DST: variants seen among roughly 807,000 people sequenced by gnomAD.
DST encodes the protein bullous pemphigoid antigen.
Under a neutral mutation model 875.2 loss-of-function variants are expected in DST, and 253 were observed. That is an observed-to-expected ratio of 0.29 (90% confidence interval 0.26 to 0.32). The LOEUF (loss-of-function observed/expected upper bound fraction) is 0.32, where lower values mean the gene tolerates loss of function less well. Ranked by LOEUF, DST falls within the 10% of genes least tolerant of loss-of-function variation. The pLI is 1.00. For synonymous variants in DST, 3,124 were observed against 3,197.1 expected (o/e 0.98, Z 0.77); for missense variants, 8,287 against 9,111.6 (o/e 0.91, Z 3.68).
At chr6:56,728,365 C>G (rs1184403971) in intron 5 of DST, among the ~76,000 whole-genome samples, 1 of 152,158 alleles carries the variant, frequency 6.6e-6, no homozygotes, top group East Asian at 1.9e-4. Context: ...TCAAAAATGT[C>G]AATTTCATAC....
chr6:56,914,837 G>A (rs1447205400), intron 2 of DST, among the ~76,000 whole-genome samples: 1 of 152,166 alleles, frequency 6.6e-6, no homozygotes, highest in African/African-American at 2.4e-5. Flanking sequence ...ATCAAAAACA[G>A]GTAACAGTAA....
intron 71 of DST, 33 bp downstream of exon 71, chr6:56,517,165 A>C: frequency 2.0e-6 from 3 of 1,484,078 alleles, no homozygotes; most frequent in Non-Finnish European, 2.8e-6. Context: ...TTTTTTCAAG[A>C]GTCCCACTAC....
At chr6:56,656,265 A>G (rs937140310) in intron 10 of DST, among the ~76,000 whole-genome samples, 1 of 152,262 alleles carries the variant, frequency 6.6e-6, no homozygotes, top group African/African-American at 2.4e-5. Flanking sequence ...CCTAAAAAAC[A>G]ATTTGGAAAG....
chr6:56,843,695 AGAGG>A, intron 4 of DST: 1 of 903,566 alleles, frequency 1.1e-6, no homozygotes, highest in Non-Finnish European at 1.3e-6. Context: ...CGCCGGGGAG[AGAGG>A]GAGGGAGGAG....
Position 56,572,944 on chromosome 6 carries a change from CT to C in DST, c.13356del (p.Asp4453ThrfsTer23). 6.2e-7 allele frequency: 1 copy of C among 1,613,050 alleles called. No individual in the cohort carries two copies. The highest frequency in any genetic ancestry group is 8.5e-7 in the Non-Finnish European group (1 of 1,179,568). On this transcript the variant is annotated frameshift_variant, in exon 52 of 104. Transcript: ENST00000680361. LOFTEE classifies it high-confidence loss of function. ...GCTTCTGAAAACCGAGCAGACAAGTCTTTCATTTTGGCTTGCAGTGAGGATG... is the reference window on the plus strand; with the variant it reads ...GCTTCTGAAAACCGAGCAGACAAGTCTTCATTTTGGCTTGCAGTGAGGATG... ...STASSLQAKM[K>X]DLSARFSEAS...
chr6:56,843,393 G>A, intron 4 of DST: 2 of 1,131,964 alleles, frequency 1.8e-6, no homozygotes, highest in Non-Finnish European at 2.2e-6. Flanking sequence ...GGGAGCCCGA[G>A]TCCCTCTCGG....
chr6:56,906,579 G>A (rs558526517), intron 2 of DST, among the ~76,000 whole-genome samples: 7 of 152,164 alleles, frequency 4.6e-5, no homozygotes, highest in South Asian at 2.1e-4. Flanking sequence ...CTATGTAGAC[G>A]TCACACCTGA....
chr6:56,873,777 C>A (rs538772670), intron 3 of DST, among the ~76,000 whole-genome samples: 1 of 152,128 alleles, frequency 6.6e-6, no homozygotes, highest in Non-Finnish European at 1.5e-5. Flanking sequence ...TCAGAAGGAA[C>A]AAGATCTAGT....
At chr6:56,865,967 GT>G (rs113110138) in intron 3 of DST, among the ~76,000 whole-genome samples, 8,136 of 148,748 alleles carry the variant, frequency 0.055, 655 homozygotes, top group African/African-American at 0.18. Context: ...TTAGAGCTAT[GT>G]TTTTTTTTTG....
At position 56,722,336 on chromosome 6, in the gene DST, T is replaced by C. The variant is rs895495951; in HGVS notation, c.687+12892A>G. On this transcript the variant is annotated intron_variant, in intron 5 of 103. Coordinates refer to ENST00000680361, the MANE Select transcript of DST (RefSeq NM_001374736.1). Reference sequence around the variant, plus strand: ...GTTTTTACAAAGTAACATTACCTTGTTCTTTTTTGACAATAAAAGTAGTAC... The same window carrying C: ...GTTTTTACAAAGTAACATTACCTTGCTCTTTTTTGACAATAAAAGTAGTAC... Among the ~76,000 whole-genome samples the C allele has an allele frequency of 3.9e-5, 6 of 152,286 alleles. No individual in the cohort carries two copies. In the East Asian group the frequency reaches 1.2e-3, roughly 29 times the overall value.
At chr6:56,877,531 G>C (rs1008318820) in intron 3 of DST, among the ~76,000 whole-genome samples, 4 of 152,174 alleles carry the variant, frequency 2.6e-5, no homozygotes, top group African/African-American at 9.7e-5. Context: ...ACTCCAGCCT[G>C]GGTGACAGAG....
chr6:56,908,180 A>T (rs1797289105), intron 2 of DST, among the ~76,000 whole-genome samples: 1 of 152,150 alleles, frequency 6.6e-6, no homozygotes, highest in African/African-American at 2.4e-5. Flanking sequence ...TAAATTTACC[A>T]TATGTAAATA....
At chr6:56,636,501 G>T in intron 23 of DST, 56 bp downstream of exon 23, 1 of 1,422,262 alleles carries the variant, frequency 7.0e-7, no homozygotes, top group African/African-American at 1.4e-5. Context: ...AAAGATTCCT[G>T]CAAGTTAGCC....
At chr6:56,472,989 A>G (rs1371180200) in intron 93 of DST, among the ~76,000 whole-genome samples, 1 of 152,254 alleles carries the variant, frequency 6.6e-6, no homozygotes, top group Non-Finnish European at 1.5e-5. Flanking sequence ...GATTTATAGT[A>G]CAACAAATAC....
intron 36 of DST, chr6:56,620,256 C>A: frequency 6.2e-7 from 1 of 1,614,042 alleles, no homozygotes; most frequent in Non-Finnish European, 8.5e-7. Flanking sequence ...AGACTTAAAT[C>A]TTTTCTTTTA....
Position 56,508,758 on chromosome 6 carries a change from A to G in DST, c.19013-3T>C. Reference sequence around the variant, plus strand: ...TTGGTCAAGCTTATCCTGAACAGCTATGAAGCAAAACAATATCCACAAGGC... The same window carrying G: ...TTGGTCAAGCTTATCCTGAACAGCTGTGAAGCAAAACAATATCCACAAGGC... On this transcript the variant is annotated splice_region_variant and splice_polypyrimidine_tract_variant and intron_variant, in intron 74 of 103. Coordinates refer to ENST00000680361, the MANE Select transcript of DST (RefSeq NM_001374736.1). 1 of 1,606,432 alleles carries G rather than the reference A, an allele frequency of 6.2e-7. No individual in the cohort carries two copies.
intron 69 of DST, among the ~76,000 whole-genome samples, chr6:56,518,816 A>C (rs2096643170): frequency 1.3e-5 from 2 of 152,210 alleles, no homozygotes; most frequent in African/African-American, 4.8e-5. Context: ...CAGTACTGCC[A>C]GATCTTCTAA....
rs1289460754 is a variant in DST at position 56,720,253 on chromosome 6, G to C, written c.687+14975C>G. On this transcript the variant is annotated intron_variant, in intron 5 of 103. Coordinates refer to ENST00000680361, the MANE Select transcript of DST (RefSeq NM_001374736.1). ...AGCGATATTTCTCCCATTTGCTTTT[G>C]AAAGAAGAGAAATAGGCTCTGTTCC... is the stretch of plus-strand genomic sequence containing the variant. Among the ~76,000 whole-genome samples, 3 of 152,008 alleles carry C rather than the reference G, an allele frequency of 2.0e-5. No homozygotes were observed. The East Asian group carries it at 5.8e-4, about 29-fold the overall frequency.
At chr6:56,699,416 A>T (rs893236957) in intron 9 of DST, among the ~76,000 whole-genome samples, 1 of 152,254 alleles carries the variant, frequency 6.6e-6, no homozygotes, top group Non-Finnish European at 1.5e-5. Flanking sequence ...ATGTCTTCCA[A>T]CTCTGAGATA....
Sources: allele counts gnomAD v4.1 joint callset (sites outside exome capture counted in the v4.1 genomes callset), GRCh38; gene constraint gnomAD v4.1.1; transcripts MANE v1.5; gene names NCBI Gene and HGNC (gene_info 2026-07-23, HGNC 2026-07-21).